Variants in NCAPG2 observed in about 807,000 individuals in gnomAD.
The protein encoded by NCAPG2 is non-SMC condensin II complex subunit G2, also known as condensin-2 complex subunit G2.
A neutral mutation model predicts 141.1 loss-of-function variants in NCAPG2; 53 were observed. The ratio of observed to expected loss-of-function variants is 0.38; its 90% CI spans 0.30 to 0.47. The LOEUF (loss-of-function observed/expected upper bound fraction) is 0.47. NCAPG2 is among the 20% of genes least tolerant of loss of function. The pLI is 0.99. For missense variants in NCAPG2, 1,087 were observed against 1,389.0 expected, an observed-to-expected ratio of 0.78 and a Z score of 3.46; for synonymous variants, 499 against 490.7, an observed-to-expected ratio of 1.02 and a Z score of -0.22.
intron 8 of NCAPG2, among the ~76,000 whole-genome samples, chr7:158,685,855 A>T (rs1834725133): frequency 6.6e-6 from 1 of 152,180 alleles, no homozygotes; most frequent in Admixed American, 6.5e-5. Flanking sequence ...TTCCATATGA[A>T]GTCTTTGAAA....
chr7:158,641,723 T>A (rs1830665149), intron 27 of NCAPG2, among the ~76,000 whole-genome samples: 1 of 152,172 alleles, frequency 6.6e-6, no homozygotes, highest in South Asian at 2.1e-4. Context: ...GTAACAATCA[T>A]CAATGTGTGG....
intron 13 of NCAPG2, among the ~76,000 whole-genome samples, chr7:158,665,930 A>C (rs1344099600): frequency 1.3e-5 from 2 of 152,170 alleles, no homozygotes; most frequent in Non-Finnish European, 2.9e-5. Context: ...GGTATTTCTG[A>C]AAAAGTTACT....
At chr7:158,686,878 G>A (rs1834785410) in intron 7 of NCAPG2, among the ~76,000 whole-genome samples, 1 of 152,164 alleles carries the variant, frequency 6.6e-6, no homozygotes, top group Admixed American at 6.5e-5. Context: ...CAGTGCTGGA[G>A]CAAATGAAGT....
chr7:158,640,950 G>A (rs1005675191), intron 27 of NCAPG2: 1 of 152,064 alleles, frequency 6.6e-6, no homozygotes, highest in Non-Finnish European at 1.5e-5. Context: ...GGAACGAGAG[G>A]CAAGGATTAG....
chr7:158,684,428 C>A (rs1834631414), intron 8 of NCAPG2, among the ~76,000 whole-genome samples: 1 of 152,094 alleles, frequency 6.6e-6, no homozygotes, highest in Non-Finnish European at 1.5e-5. Context: ...CTTGTTGAGT[C>A]CTAATTCAAA....
chr7:158,650,955 C>T lies in NCAPG2; in HGVS notation c.2952G>A (p.Gln984=). Residue 984 remains glutamine, a synonymous_variant, in exon 24 of 28, where the codon CAG becomes CAA. Coordinates refer to ENST00000356309, the MANE Select transcript of NCAPG2 (RefSeq NM_017760.7). ...EEGLRLLYSV[Q]RPLHEFITAV... is the part of the protein sequence containing the mutation. Reference sequence around the variant, plus strand: ...CAGTAATGAACTCATGAAGAGGCCTCTGAACAGAATAAAGCAGCTACAAGA... The same window carrying T: ...CAGTAATGAACTCATGAAGAGGCCTTTGAACAGAATAAAGCAGCTACAAGA... 1.2e-6 allele frequency: 2 copies of T among 1,607,378 alleles called. No homozygotes were observed. Among genetic ancestry groups the T allele is most frequent in the Non-Finnish European group, 1.7e-6 (2 of 1,178,068 alleles).
intron 6 of NCAPG2, among the ~76,000 whole-genome samples, 180 bp from the exon 7 acceptor site, chr7:158,687,622 G>A (rs980154264): frequency 2.6e-5 from 4 of 152,190 alleles, no homozygotes; most frequent in African/African-American, 9.6e-5. Context: ...ACAGCCAGGA[G>A]CCACACAAGC....
intron 12 of NCAPG2, among the ~76,000 whole-genome samples, chr7:158,672,050 C>G (rs924475088): frequency 6.6e-6 from 1 of 151,870 alleles, no homozygotes; most frequent in Non-Finnish European, 1.5e-5. Flanking sequence ...TTTCCTGACT[C>G]GATACTGCAT....
At chr7:158,638,564 A>G (rs1830440911) in intron 27 of NCAPG2, among the ~76,000 whole-genome samples, 2 of 152,180 alleles carry the variant, frequency 1.3e-5, no homozygotes, top group Non-Finnish European at 1.5e-5. Flanking sequence ...AGTACCTGAC[A>G]AAGTGGAGTA....
intron 27 of NCAPG2, among the ~76,000 whole-genome samples, chr7:158,634,637 G>A (rs565108535): frequency 2.5e-3 from 376 of 152,256 alleles, no homozygotes; most frequent in African/African-American, 8.6e-3. Flanking sequence ...TCGTTATCCT[G>A]TAACAGATAA....
In NCAPG2 at chr7:158,652,494, T is replaced by C. The variant is rs773372380; in HGVS notation, c.2747-14A>G. ...AAAATCCCTTCACTAGAAAGAAAAT[T>C]GGAATATATCAGTTTTCTAATCACA... On this transcript the variant is annotated splice_polypyrimidine_tract_variant and intron_variant, in intron 22 of 27. Transcript: ENST00000356309. The C allele has an allele frequency of 6.4e-7, 1 of 1,564,222 alleles. No individual in the cohort carries two copies. The highest frequency in any genetic ancestry group is 2.2e-5 in the East Asian group (1 of 44,584).
intron 2 of NCAPG2, among the ~76,000 whole-genome samples, chr7:158,696,828 C>A (rs1170133076): frequency 6.6e-6 from 1 of 152,222 alleles, no homozygotes; most frequent in Non-Finnish European, 1.5e-5. Flanking sequence ...TTTCCCAAAT[C>A]TCTGCATGGC....
chr7:158,635,741 A>C (rs776755051), intron 27 of NCAPG2, among the ~76,000 whole-genome samples: 7 of 152,126 alleles, frequency 4.6e-5, no homozygotes, highest in African/African-American at 9.7e-5. Flanking sequence ...CAGTCAACAG[A>C]ATACTAGCCC....
chr7:158,631,833 G>C lies in NCAPG2; in HGVS notation c.3381-116C>G, dbSNP rs936266454. On this transcript the variant is annotated intron_variant, in intron 27 of 27. Transcript: ENST00000356309. ...TTGCAACCATGCATTTAAAAACAAAGTTGAAATAATCTATAGATGTTTCAT... is the reference window on the plus strand; with the variant it reads ...TTGCAACCATGCATTTAAAAACAAACTTGAAATAATCTATAGATGTTTCAT... 8.6e-6 allele frequency: 7 copies of C among 810,550 alleles called. No homozygotes were observed. In the Middle Eastern group the frequency reaches 2.0e-3, roughly 237 times the overall value. The allele number at this position is 810,550 out of a possible 1,614,324, so 50.2% of individuals were successfully genotyped here. A position where few individuals can be genotyped will look rare whatever the true frequency, so the allele number is the denominator to read the frequency against.
chr7:158,692,281 T>C (rs144235296), intron 4 of NCAPG2, among the ~76,000 whole-genome samples: 9 of 151,534 alleles, frequency 5.9e-5, no homozygotes, highest in African/African-American at 2.2e-4. Flanking sequence ...CACTTCAGCA[T>C]AGGCAACAGG....
intron 27 of NCAPG2, among the ~76,000 whole-genome samples, chr7:158,637,613 C>T (rs1830375974): frequency 6.6e-6 from 1 of 152,268 alleles, no homozygotes; most frequent in Non-Finnish European, 1.5e-5. Flanking sequence ...GCGATGGCTC[C>T]ACATCCCCCC....
intron 8 of NCAPG2, 100 bp downstream of exon 8, chr7:158,686,072 A>C (rs915931292): frequency 2.7e-5 from 18 of 656,012 alleles, no homozygotes; most frequent in Non-Finnish European, 4.2e-5. Context: ...ATTTTGACAG[A>C]GTGCATAAAC....
In NCAPG2 at chr7:158,704,784, C is replaced by T. The variant is rs1836073334; in HGVS notation, c.-100G>A. 1 of 152,288 alleles carries T rather than the reference C, an allele frequency of 6.6e-6. No individual in the cohort carries two copies. Among genetic ancestry groups the T allele is most frequent in the South Asian group, 2.1e-4 (1 of 4,844 alleles). The allele number at this position is 152,288 out of a possible 1,614,324, so 9.4% of individuals were successfully genotyped here. On this transcript the variant is annotated 5_prime_UTR_variant, in exon 1 of 28. Transcript: ENST00000356309. ...CCAGATTCAAACGCACCCGCCGGCG[C>T]CCCAGACGGGCCCCGCCCTCCCGGT...
At chr7:158,644,137 G>C in intron 27 of NCAPG2, 152 bp downstream of exon 27, 1 of 585,730 alleles carries the variant, frequency 1.7e-6, no homozygotes, top group Non-Finnish European at 3.0e-6. Context: ...TAAGCTAAAG[G>C]TCTTTGCCAA....
Sources: gnomAD v4.1 joint callset for allele counts (sites outside exome capture counted in the v4.1 genomes callset) on GRCh38, gnomAD v4.1.1 for gene constraint, MANE v1.5 for transcripts, NCBI Gene and HGNC (gene_info 2026-07-23, HGNC 2026-07-21) for gene names.